Variants in SORCS3 observed in about 807,000 individuals in gnomAD.
SORCS3 encodes the protein sortilin related VPS10 domain containing receptor 3, also known as VPS10 domain-containing receptor SorCS3.
SORCS3 carries 57 observed loss-of-function variants against 146.3 expected under a neutral mutation model. The ratio of observed to expected loss-of-function variants is 0.39; its 90% confidence interval spans 0.31 to 0.49. SORCS3 has a LOEUF of 0.49. SORCS3 is among the 20% of genes least tolerant of loss of function. SORCS3 has a pLI of 0.92. For synonymous variants in SORCS3, 653 were observed against 618.5 expected (o/e 1.06, Z -0.83); for missense variants, 1,341 against 1,575.5 (o/e 0.85, Z 2.52).
chr10:104,833,057 G>A (rs1363494156), intron 1 of SORCS3, among the ~76,000 whole-genome samples: 1 of 152,172 alleles, frequency 6.6e-6, no homozygotes, highest in African/African-American at 2.4e-5. Flanking sequence ...CAGTCCAGGT[G>A]CTCTGGGTGA....
At chr10:104,971,594 T>C (rs2054860907) in intron 3 of SORCS3, among the ~76,000 whole-genome samples, 2 of 152,256 alleles carry the variant, frequency 1.3e-5, no homozygotes, top group South Asian at 4.2e-4. Flanking sequence ...AATAGAAGCA[T>C]CTTCCAGGCA....
intron 1 of SORCS3, among the ~76,000 whole-genome samples, chr10:104,725,658 C>G (rs2016619529): frequency 1.3e-5 from 2 of 152,242 alleles, no homozygotes; most frequent in African/African-American, 4.8e-5. Flanking sequence ...TGTTTACCTA[C>G]TCAAGCCTCG....
intron 3 of SORCS3, among the ~76,000 whole-genome samples, chr10:104,929,555 C>T (rs552996088): frequency 6.6e-6 from 1 of 152,366 alleles, no homozygotes; most frequent in South Asian, 2.1e-4. Flanking sequence ...CCCTGAGCTT[C>T]AGGTGCATCC....
chr10:104,946,434 T>C lies in SORCS3; in HGVS notation c.795+30502T>C, dbSNP rs185430177. On this transcript the variant is annotated intron_variant, in intron 3 of 26. Transcript: ENST00000369701. The stretch of plus-strand genomic sequence containing the variant: ...TTTCTCTCTGCATGCTGTGTGTGGG[T>C]GTGCTGGAGCTAGCCTATTTCCCTG... 5.7e-4 allele frequency among the ~76,000 whole-genome samples: 87 copies of C among 152,244 alleles called. No homozygotes were observed. The East Asian group carries it at 7.5e-3, about 13-fold the overall frequency.
intron 20 of SORCS3, among the ~76,000 whole-genome samples, chr10:105,235,946 A>G (rs1205476756): frequency 6.6e-6 from 1 of 152,122 alleles, no homozygotes; most frequent in Non-Finnish European, 1.5e-5. Context: ...TTTACTTGGC[A>G]CACACTATGT....
intron 5 of SORCS3, among the ~76,000 whole-genome samples, chr10:105,047,510 C>G (rs2055381450): frequency 6.6e-6 from 1 of 152,008 alleles, no homozygotes; most frequent in South Asian, 2.1e-4. Flanking sequence ...TCTAAGGTAT[C>G]AGGAACTTCA....
At chr10:104,735,937 T>C (rs1352357455) in intron 1 of SORCS3, among the ~76,000 whole-genome samples, 2 of 152,164 alleles carry the variant, frequency 1.3e-5, no homozygotes, top group Non-Finnish European at 2.9e-5. Context: ...AATACAGTAG[T>C]AGCCCAAGGT....
chr10:105,261,774 A>T (rs2056961754), intron 25 of SORCS3, among the ~76,000 whole-genome samples: 1 of 152,192 alleles, frequency 6.6e-6, no homozygotes, highest in Admixed American at 6.5e-5. Context: ...CATCTCCAAA[A>T]TCCAAAAAGA....
At position 104,793,827 on chromosome 10, in the gene SORCS3, G is replaced by A. The variant is rs181103826; in HGVS notation, c.628-48965G>A. Among the ~76,000 whole-genome samples, 347 of 152,298 alleles carry A rather than the reference G, an allele frequency of 2.3e-3. 2 individuals are homozygous for A. Among genetic ancestry groups the A allele is most frequent in the African/African-American group, 6.9e-3 (287 of 41,570 alleles). ...GGCAAATGGATTTATAGGTCTGAAG[G>A]TGAAGAAGGACATCTGGATGGCAGG... is the stretch of plus-strand genomic sequence containing the variant. On this transcript the variant is annotated intron_variant, in intron 1 of 26. Transcript: ENST00000369701.
intron 23 of SORCS3, among the ~76,000 whole-genome samples, chr10:105,254,633 T>C (rs1415244098): frequency 6.6e-6 from 1 of 152,136 alleles, no homozygotes; most frequent in Non-Finnish European, 1.5e-5. Flanking sequence ...ACCCCGTCTC[T>C]ACTAAAAATA....
chr10:104,892,704 A>G (rs925831152), intron 2 of SORCS3, among the ~76,000 whole-genome samples: 6 of 152,036 alleles, frequency 3.9e-5, no homozygotes, highest in Non-Finnish European at 5.9e-5. Flanking sequence ...CCTGAGCAAC[A>G]GAGTGAGATT....
At chr10:105,169,655 C>G (rs1411420486) in intron 13 of SORCS3, among the ~76,000 whole-genome samples, 1 of 152,060 alleles carries the variant, frequency 6.6e-6, no homozygotes, top group African/African-American at 2.4e-5. Flanking sequence ...AACTTACATG[C>G]CAGTTTAAGG....
chr10:104,673,226 T>C (rs1391430639), intron 1 of SORCS3, among the ~76,000 whole-genome samples: 1 of 152,212 alleles, frequency 6.6e-6, no homozygotes, highest in African/African-American at 2.4e-5. Flanking sequence ...CTGCTTTTGA[T>C]TGGAGAATTT....
intron 5 of SORCS3, among the ~76,000 whole-genome samples, chr10:105,076,526 C>T (rs184638899): frequency 6.6e-6 from 1 of 152,330 alleles, no homozygotes; most frequent in Admixed American, 6.5e-5. Flanking sequence ...CTGACCTTCA[C>T]ATCATCACTG....
intron 1 of SORCS3, among the ~76,000 whole-genome samples, chr10:104,650,477 T>G (rs1484661251): frequency 1.3e-5 from 2 of 152,060 alleles, no homozygotes; most frequent in East Asian, 3.9e-4. Flanking sequence ...TTCAGCCTCT[T>G]CCTACAGAAA....
chr10:104,865,547 A>T (rs1300305018), intron 2 of SORCS3, among the ~76,000 whole-genome samples: 1 of 152,100 alleles, frequency 6.6e-6, no homozygotes, highest in Non-Finnish European at 1.5e-5. Context: ...GCGCACTTTC[A>T]GACAGGAAAG....
At chr10:104,915,531 C>T (rs1294312859) in intron 2 of SORCS3, among the ~76,000 whole-genome samples, 7 of 123,968 alleles carry the variant, frequency 5.6e-5, no homozygotes, top group African/African-American at 9.3e-5. Context: ...GGGGGTGGGG[C>T]GGGGCTGAGC....
intron 3 of SORCS3, among the ~76,000 whole-genome samples, chr10:104,928,528 C>T (rs896954159): frequency 1.5e-5 from 2 of 131,566 alleles, no homozygotes; most frequent in Admixed American, 7.1e-5. Context: ...AGAAATGACT[C>T]GATTTTTTTT....
At position 105,263,434 on chromosome 10, in the gene SORCS3, A is replaced by G. The variant is rs2056973580; in HGVS notation, c.*60A>G. 6.7e-7 allele frequency: 1 copy of G among 1,486,924 alleles called. No individual in the cohort carries two copies. The allele number at this position is 1,486,924 out of a possible 1,614,324, so 92.1% of individuals were successfully genotyped here. On this transcript the variant is annotated 3_prime_UTR_variant, in exon 27 of 27. Transcript: ENST00000369701. ...CTTTTTATTTTTGATGATTACTATT[A>G]CTATTATTATGGAAAAATTAAAATG...
Sources: allele counts gnomAD v4.1 joint callset (sites outside exome capture counted in the v4.1 genomes callset), GRCh38; gene constraint gnomAD v4.1.1; transcripts MANE v1.5; gene names NCBI Gene and HGNC (gene_info 2026-07-23, HGNC 2026-07-21).